DCDC1: variants seen among roughly 807,000 people sequenced by gnomAD.
DCDC1 encodes doublecortin domain containing 1, also known as doublecortin domain-containing protein 1.
A neutral mutation model predicts 178.3 loss-of-function variants in DCDC1; 200 were observed. The observed-to-expected ratio is 1.12, with a 90% CI of 1.00 to 1.26. DCDC1 has a LOEUF of 1.26. Among genes scored for constraint, DCDC1 ranks in the 50% most tolerant of loss-of-function variants. The pLI is 0.00. For synonymous variants in DCDC1, 690 were observed against 604.8 expected (o/e 1.14, Z -2.07); for missense variants, 1,983 against 1,749.2 (o/e 1.13, Z -2.38).
chr11:31,272,622 A>G (rs1196213095), intron 7 of DCDC1, among the ~76,000 whole-genome samples: 1 of 152,244 alleles, frequency 6.6e-6, no homozygotes, highest in Non-Finnish European at 1.5e-5. Context: ...GGCCCCATGC[A>G]AGTCTAAAAT....
At chr11:31,091,807 T>C (rs1287351324) in intron 16 of DCDC1, among the ~76,000 whole-genome samples, 2 of 152,226 alleles carry the variant, frequency 1.3e-5, no homozygotes, top group Non-Finnish European at 2.9e-5. Flanking sequence ...TTGGGGTCCA[T>C]CACGTGTCAC....
rs560053057 is a variant in DCDC1, at chr11:31,144,580, T to C, written c.1222-6796A>G. 2.0e-5 allele frequency among the ~76,000 whole-genome samples: 3 copies of C among 152,374 alleles called. No individual in the cohort carries two copies. The East Asian group carries it at 5.8e-4, about 29-fold the overall frequency. ...TCCTTAAATCCACTAATCTTTATCATCCATCAAATTTTTTGACCGTTTGGT... is the reference window on the plus strand; with the variant it reads ...TCCTTAAATCCACTAATCTTTATCACCCATCAAATTTTTTGACCGTTTGGT... On this transcript the variant is annotated intron_variant, in intron 9 of 38. Coordinates refer to ENST00000684477, the MANE Select transcript of DCDC1 (RefSeq NM_001387274.1).
At chr11:31,131,287 G>A (rs1462197894) in intron 10 of DCDC1, among the ~76,000 whole-genome samples, 2 of 151,998 alleles carry the variant, frequency 1.3e-5, no homozygotes, top group Non-Finnish European at 2.9e-5. Flanking sequence ...AATGAGAAGG[G>A]AAGAAAGAGA....
chr11:31,171,258 T>C (rs1014823826), intron 9 of DCDC1, among the ~76,000 whole-genome samples: 2 of 152,126 alleles, frequency 1.3e-5, no homozygotes, highest in African/African-American at 2.4e-5. Flanking sequence ...AGATAACAAG[T>C]GTTTTCAATT....
Position 31,305,766 on chromosome 11 carries a change from C to T in DCDC1, c.603G>A (p.Glu201=). The part of the protein sequence containing the change: ...TVPTITLLLE[E]CTEKLNLNMA... ...TGTTCAGATTCAGCTTTTCTGTGCA[C>T]TCCTCCAGCAGCTAGAAGAAAGCAA... is the stretch of plus-strand genomic sequence containing the variant. Residue 201 remains glutamate (E), a synonymous_variant, in exon 6 of 39, where the codon GAG becomes GAA. Transcript: ENST00000684477. 4 of 1,613,402 alleles carry T rather than the reference C, an allele frequency of 2.5e-6. No homozygotes were observed. In the East Asian group the frequency reaches 8.9e-5, roughly 36 times the overall value.
chr11:31,294,093 A>G (rs532116131), intron 6 of DCDC1, among the ~76,000 whole-genome samples: 2 of 152,306 alleles, frequency 1.3e-5, no homozygotes, highest in African/African-American at 4.8e-5. Flanking sequence ...CACCAGGGCG[A>G]CAACTGTAAG....
intron 9 of DCDC1, among the ~76,000 whole-genome samples, chr11:31,188,231 A>T (rs1202566521): frequency 6.6e-6 from 1 of 152,178 alleles, no homozygotes; most frequent in East Asian, 1.9e-4. Context: ...ACAACAACAG[A>T]GATAGTAAAC....
At position 31,131,830 on chromosome 11, in the gene DCDC1, T is replaced by C. The variant is rs538734015; in HGVS notation, c.1315-4191A>G. On this transcript the variant is annotated intron_variant, in intron 10 of 38. Coordinates refer to ENST00000684477, the MANE Select transcript of DCDC1 (RefSeq NM_001387274.1). ...ATTTCATGTACTGCACCTTGTGCTA[T>C]AGCAAGTCACACACAAAAAAAGGGA... 3.9e-5 allele frequency among the ~76,000 whole-genome samples: 6 copies of C among 152,332 alleles called. No homozygotes were observed. The Middle Eastern group carries it at 0.01, about 259-fold the overall frequency.
intron 9 of DCDC1, among the ~76,000 whole-genome samples, chr11:31,194,893 T>A (rs1003582026): frequency 6.6e-6 from 1 of 152,060 alleles, no homozygotes; most frequent in Admixed American, 6.6e-5. Context: ...TTACTGAGTA[T>A]CATGTGTTCC....
chr11:31,052,278 A>C (rs1955309259), intron 20 of DCDC1, among the ~76,000 whole-genome samples: 1 of 152,190 alleles, frequency 6.6e-6, no homozygotes, highest in Non-Finnish European at 1.5e-5. Context: ...TAATGGTAAA[A>C]GGCCTTCTCC....
intron 21 of DCDC1, among the ~76,000 whole-genome samples, 190 bp downstream of exon 21, chr11:30,952,252 AGAT>A (rs1420746107): frequency 2.0e-5 from 3 of 152,210 alleles, no homozygotes; most frequent in Non-Finnish European, 4.4e-5. Context: ...AAGAAAAAAT[AGAT>A]AAGTTCATCT....
At chr11:31,349,655 A>T (rs1460028892) in intron 1 of DCDC1, among the ~76,000 whole-genome samples, 2 of 152,104 alleles carry the variant, frequency 1.3e-5, no homozygotes, top group Non-Finnish European at 2.9e-5. Flanking sequence ...TTTAGTCTTT[A>T]TGATTTTACA....
chr11:31,323,334 C>T (rs1949469664), intron 3 of DCDC1, among the ~76,000 whole-genome samples: 1 of 152,192 alleles, frequency 6.6e-6, no homozygotes, highest in Non-Finnish European at 1.5e-5. Flanking sequence ...AGGATTTGTA[C>T]TTGCTGTCGC....
chr11:31,126,788 A>C (rs964242288), intron 11 of DCDC1, among the ~76,000 whole-genome samples: 2 of 152,218 alleles, frequency 1.3e-5, no homozygotes, highest in African/African-American at 2.4e-5. Context: ...TTAACATGGA[A>C]TATCTGCTAT....
At chr11:31,057,090 G>T (rs1955631547) in intron 20 of DCDC1, among the ~76,000 whole-genome samples, 1 of 151,978 alleles carries the variant, frequency 6.6e-6, no homozygotes, top group Admixed American at 6.6e-5. Context: ...AAATTAGCCA[G>T]GCATGGTGGT....
chr11:30,948,679 G>A (rs978131503), intron 21 of DCDC1, among the ~76,000 whole-genome samples: 4 of 151,916 alleles, frequency 2.6e-5, no homozygotes, highest in Non-Finnish European at 4.4e-5. Context: ...GGAACAGAAC[G>A]GAGGCCTCAG....
chr11:30,928,739 T>G lies in DCDC1; in HGVS notation c.2897+3032A>C, dbSNP rs1362917194. On this transcript the variant is annotated intron_variant, in intron 22 of 38. Transcript: ENST00000684477. ...AATATTACATAACATGACATGTTATTACATAAATATTTATACTATGAGTAA... is the reference window on the plus strand; with the variant it reads ...AATATTACATAACATGACATGTTATGACATAAATATTTATACTATGAGTAA... Among the ~76,000 whole-genome samples the G allele has an allele frequency of 4.0e-5, 6 of 149,578 alleles. No homozygotes were observed. The Admixed American group carries it at 4.0e-4, about 10-fold the overall frequency.
At chr11:30,873,362 TATAGAGAG>T (rs1363829306) in intron 38 of DCDC1, among the ~76,000 whole-genome samples, 4 of 138,058 alleles carry the variant, frequency 2.9e-5, no homozygotes, top group South Asian at 2.4e-4. Flanking sequence ...TATATATATA[TATAGAGAG>T]AGAGAGAGAG....
At chr11:31,176,612 A>G (rs984674810) in intron 9 of DCDC1, among the ~76,000 whole-genome samples, 16 of 152,194 alleles carry the variant, frequency 1.1e-4, no homozygotes, top group Admixed American at 1.3e-4. Context: ...TTAAATCATC[A>G]AACATCAAAG....
Sources: gnomAD v4.1 joint callset for allele counts (sites outside exome capture counted in the v4.1 genomes callset) on GRCh38, gnomAD v4.1.1 for gene constraint, MANE v1.5 for transcripts, NCBI Gene and HGNC (gene_info 2026-07-23, HGNC 2026-07-21) for gene names.